The following NAALADL2 variants were observed in gnomAD, a reference collection of about 807,000 sequenced individuals.
The protein encoded by NAALADL2 is N-acetylated alpha-linked acidic dipeptidase like 2, also known as inactive N-acetylated-alpha-linked acidic dipeptidase-like protein 2.
Under a neutral mutation model 87.2 loss-of-function variants are expected in NAALADL2, and 76 were observed. That is an observed-to-expected ratio of 0.87 (90% CI 0.72 to 1.05). The LOEUF (loss-of-function observed/expected upper bound fraction) is 1.05, where lower values mean the gene tolerates loss of function less well. Ranked by LOEUF, NAALADL2 falls within the 50% of genes least tolerant of loss-of-function variation. The probability of loss-of-function intolerance (pLI) is 0.00; values close to 1 mark genes in which losing one functional copy is unlikely to be tolerated. For synonymous variants in NAALADL2, 354 were observed against 331.0 expected (o/e 1.07, Z -0.75); for missense variants, 1,089 against 945.8 (o/e 1.15, Z -1.99).
At chr3:175,440,043 G>A (rs143851537) in intron 5 of NAALADL2, among the ~76,000 whole-genome samples, 179 of 151,930 alleles carry the variant, frequency 1.2e-3, no homozygotes, top group African/African-American at 3.0e-3. Context: ...AATTTGGTTC[G>A]TCTTGAGTTG....
At chr3:175,204,608 CA>C (rs770129527) in intron 2 of NAALADL2, among the ~76,000 whole-genome samples, 1 of 151,880 alleles carries the variant, frequency 6.6e-6, no homozygotes, top group Non-Finnish European at 1.5e-5. Context: ...AGCAATTAGA[CA>C]AGAGAAAAAA....
chr3:174,535,571 A>C (rs1050833283), intron 1 of NAALADL2, among the ~76,000 whole-genome samples: 6 of 152,104 alleles, frequency 3.9e-5, no homozygotes, highest in African/African-American at 1.4e-4. Flanking sequence ...TAGGTGATTT[A>C]TTCCTGCCCC....
intron 7 of NAALADL2, among the ~76,000 whole-genome samples, chr3:175,463,984 C>A (rs1465010595): frequency 6.6e-6 from 1 of 152,068 alleles, no homozygotes; most frequent in Non-Finnish European, 1.5e-5. Context: ...CACCCACCAC[C>A]AAGCCCGGCT....
chr3:175,199,835 TATATATATATATATATATATATATATATA>T (rs1183353027), intron 2 of NAALADL2, among the ~76,000 whole-genome samples: 44 of 11,198 alleles, frequency 3.9e-3, no homozygotes, highest in African/African-American at 8.4e-3. Flanking sequence ...TATATATATA[TATATATATATATATATATATATATATATA>T]TTTTTTTTTT....
chr3:175,049,137 T>G lies in NAALADL2; in HGVS notation c.44-47653T>G, dbSNP rs534233260. ...CCTAGAATCAGCCAGGATCCACTGA[T>G]TATCTGCCTCAGGTAATCCTGGCTC... is the stretch of plus-strand genomic sequence containing the variant. On this transcript the variant is annotated intron_variant, in intron 1 of 13. Transcript: ENST00000454872. Among the ~76,000 whole-genome samples, 312 of 152,180 alleles carry G rather than the reference T, an allele frequency of 2.1e-3. 2 individuals carry two copies. The highest frequency in any genetic ancestry group is 7.2e-3 in the African/African-American group (298 of 41,526).
intron 5 of NAALADL2, among the ~76,000 whole-genome samples, chr3:175,403,411 G>A (rs1479752132): frequency 1.3e-5 from 2 of 152,058 alleles, no homozygotes; most frequent in African/African-American, 4.8e-5. Context: ...TCAATATGGT[G>A]TGGATATTCA....
chr3:175,281,215 T>C (rs1185027983), intron 4 of NAALADL2, among the ~76,000 whole-genome samples: 3 of 151,694 alleles, frequency 2.0e-5, no homozygotes, highest in African/African-American at 7.2e-5. Context: ...AAGACTATCT[T>C]CCGTCCATAA....
rs1734383299 is a variant in NAALADL2, at chr3:175,674,070, T to C, written c.1896+46684T>C. Among the ~76,000 whole-genome samples, 10 of 152,238 alleles carry C rather than the reference T, an allele frequency of 6.6e-5. No homozygotes were observed. In the South Asian group the frequency reaches 2.1e-3, roughly 32 times the overall value. ...ATTCATTATGCTCTTTTTGCTGTGT[T>C]CCAATTTGATAGCATTCATTAACTC... On this transcript the variant is annotated intron_variant, in intron 11 of 13. Coordinates refer to ENST00000454872, the MANE Select transcript of NAALADL2 (RefSeq NM_207015.3).
intron 3 of NAALADL2, among the ~76,000 whole-genome samples, chr3:174,812,765 C>T (rs181931199): frequency 6.6e-6 from 1 of 150,626 alleles, no homozygotes; most frequent in Non-Finnish European, 1.5e-5. Flanking sequence ...GTATTTGTGT[C>T]TTCATTTTTA....
intron 4 of NAALADL2, among the ~76,000 whole-genome samples, chr3:175,285,818 T>C (rs1754906062): frequency 6.6e-6 from 1 of 152,126 alleles, no homozygotes; most frequent in African/African-American, 2.4e-5. Context: ...AAAATACCTA[T>C]TTAATGTATT....
intron 1 of NAALADL2, among the ~76,000 whole-genome samples, chr3:174,894,389 G>C (rs897624983): frequency 5.3e-5 from 8 of 151,708 alleles, no homozygotes; most frequent in South Asian, 2.1e-4. Flanking sequence ...TCAGGAGTTT[G>C]AGACCAGCCT....
chr3:175,665,300 A>G (rs76929824), intron 11 of NAALADL2, among the ~76,000 whole-genome samples: 3,088 of 152,322 alleles, frequency 0.02, 98 homozygotes, highest in African/African-American at 0.071. Context: ...CCTGAAAATG[A>G]GTATCTTTTA....
At chr3:174,613,264 G>T (rs59006547) in intron 2 of NAALADL2, among the ~76,000 whole-genome samples, 1 of 102,128 alleles carries the variant, frequency 9.8e-6, no homozygotes, top group South Asian at 3.0e-4. Flanking sequence ...ACTGGGTCTT[G>T]CCCAAGGCCT....
chr3:174,760,591 G>A (rs1359348132), intron 3 of NAALADL2, among the ~76,000 whole-genome samples: 1 of 152,204 alleles, frequency 6.6e-6, no homozygotes, highest in East Asian at 1.9e-4. Context: ...CTGAGAGCAG[G>A]CAGCAGGATT....
intron 2 of NAALADL2, among the ~76,000 whole-genome samples, chr3:175,169,132 G>C (rs1734411973): frequency 6.6e-6 from 1 of 151,614 alleles, no homozygotes; most frequent in Non-Finnish European, 1.5e-5. Flanking sequence ...AAGATTTTTA[G>C]AATAATAAAG....
chr3:175,603,404 C>T (rs1431375049), intron 10 of NAALADL2, among the ~76,000 whole-genome samples: 1 of 152,096 alleles, frequency 6.6e-6, no homozygotes, highest in Non-Finnish European at 1.5e-5. Context: ...CCATCACCAC[C>T]ATCCATTTCC....
intron 1 of NAALADL2, among the ~76,000 whole-genome samples, chr3:174,955,985 T>A (rs987162348): frequency 6.6e-6 from 1 of 151,998 alleles, no homozygotes; most frequent in African/African-American, 2.4e-5. Flanking sequence ...AATACTCTCT[T>A]TTGTAATTTC....
At position 175,212,955 on chromosome 3, in the gene NAALADL2, C is replaced by A. The variant is rs537561039; in HGVS notation, c.546-20976C>A. Among the ~76,000 whole-genome samples the A allele has an allele frequency of 2.6e-5, 4 of 152,170 alleles. No individual in the cohort carries two copies. The South Asian group carries it at 8.3e-4, about 32-fold the overall frequency. ...GGCTCTCTGGAGTGGGTGAGTGGAG[C>A]AAGTAGTGGTGGTAGCAGTGCATAT... On this transcript the variant is annotated intron_variant, in intron 2 of 13. Transcript: ENST00000454872.
intron 1 of NAALADL2, among the ~76,000 whole-genome samples, chr3:175,020,275 A>G (rs1476858500): frequency 6.6e-6 from 1 of 152,054 alleles, no homozygotes; most frequent in Non-Finnish European, 1.5e-5. Flanking sequence ...ACCAGTCAGC[A>G]AAGGGCACTG....
Sources: gnomAD v4.1 joint callset for allele counts (sites outside exome capture counted in the v4.1 genomes callset) on GRCh38, gnomAD v4.1.1 for gene constraint, MANE v1.5 for transcripts, NCBI Gene and HGNC (gene_info 2026-07-23, HGNC 2026-07-21) for gene names.